Variants in ARMC1 observed in about 807,000 individuals in gnomAD.
ARMC1 encodes armadillo repeat containing 1.
Under a neutral mutation model 31.4 loss-of-function variants are expected in ARMC1, and 16 were observed. That is an observed-to-expected ratio of 0.51 (90% CI 0.34 to 0.77). The LOEUF (loss-of-function observed/expected upper bound fraction) is 0.77. Ranked by LOEUF, ARMC1 falls within the 30% of genes least tolerant of loss-of-function variation. The pLI is 0.01. For synonymous variants in ARMC1, 114 were observed against 118.9 expected, an observed-to-expected ratio of 0.96 and a Z score of 0.27; for missense variants, 259 against 347.5, an observed-to-expected ratio of 0.75 and a Z score of 2.02.
At position 65,604,015 on chromosome 8, in the gene ARMC1, ACTT is replaced by A. The variant is rs1563410388; in HGVS notation, c.*376_*378del. 6.2e-6 allele frequency: 1 copy of A among 161,706 alleles called. No homozygotes were observed. The highest frequency in any genetic ancestry group is 1.4e-5 in the Non-Finnish European group (1 of 73,746). 10.0% of individuals were successfully genotyped at this position (161,706 alleles called of 1,614,324 possible). A position where few individuals can be genotyped will look rare whatever the true frequency, so the allele number is the denominator to read the frequency against. On this transcript the variant is annotated 3_prime_UTR_variant, in exon 7 of 7. Coordinates refer to ENST00000276569, the MANE Select transcript of ARMC1 (RefSeq NM_018120.6). ...CATGCACAACTTGAGCTACAAGAAA[ACTT>A]CTCTTCAGGTAGGTCCTGAGGCTTG...
At chr8:65,604,629 T>G (rs757855581) in intron 6 of ARMC1, 44 bp from the exon 7 acceptor site, 1 of 1,557,010 alleles carries the variant, frequency 6.4e-7, no homozygotes, top group Non-Finnish European at 8.8e-7. Flanking sequence ...TCAACTTTAC[T>G]CCTTATTCTA....
intron 3 of ARMC1, among the ~76,000 whole-genome samples, chr8:65,618,078 G>A (rs1808313062): frequency 6.6e-6 from 1 of 151,924 alleles, no homozygotes; most frequent in African/African-American, 2.4e-5. Context: ...ACCATGCCTG[G>A]CTAATTTTTA....
chr8:65,607,050 T>C (rs978011276), intron 4 of ARMC1, among the ~76,000 whole-genome samples: 1 of 152,234 alleles, frequency 6.6e-6, no homozygotes, highest in Non-Finnish European at 1.5e-5. Context: ...ATCTGTAGAC[T>C]ATATCCAGTT....
chr8:65,609,666 T>C (rs1808079697), intron 4 of ARMC1, among the ~76,000 whole-genome samples: 1 of 152,014 alleles, frequency 6.6e-6, no homozygotes, highest in South Asian at 2.1e-4. Context: ...GAGACCAGCC[T>C]GGCCAATATG....
chr8:65,607,451 T>G (rs1808029515), intron 4 of ARMC1, among the ~76,000 whole-genome samples: 1 of 152,214 alleles, frequency 6.6e-6, no homozygotes, highest in Non-Finnish European at 1.5e-5. Flanking sequence ...TGGTACTAAA[T>G]GCCAACCACA....
In ARMC1 at chr8:65,602,546, T is replaced by A. The variant is rs1465956293; in HGVS notation, c.*1848A>T. ...TGTTACAGTTGTCTTAACTACTCTA[T>A]ATGATCTGGAATAAAGAACTCTTAG... On this transcript the variant is annotated 3_prime_UTR_variant, in exon 7 of 7. Transcript: ENST00000276569. 1.3e-5 allele frequency: 2 copies of A among 152,214 alleles called. No individual in the cohort carries two copies. The highest frequency in any genetic ancestry group is 2.9e-5 in the Non-Finnish European group (2 of 68,030). The allele number at this position is 152,214 out of a possible 1,614,324, so 9.4% of individuals were successfully genotyped here. A position where few individuals can be genotyped will look rare whatever the true frequency, so the allele number is the denominator to read the frequency against.
chr8:65,627,124 C>T (rs1193789795), intron 2 of ARMC1, 92 bp downstream of exon 2: 24 of 1,239,484 alleles, frequency 1.9e-5, no homozygotes, highest in East Asian at 7.2e-5. Context: ...GCTCTCTTTC[C>T]GTTTTTTTAC....
At chr8:65,628,005 G>T (rs534305740) in intron 1 of ARMC1, among the ~76,000 whole-genome samples, 1 of 152,324 alleles carries the variant, frequency 6.6e-6, no homozygotes, top group African/African-American at 2.4e-5. Context: ...AATCTACACT[G>T]AATCTAAATA....
At chr8:65,605,973 T>C (rs971185738) in intron 4 of ARMC1, among the ~76,000 whole-genome samples, 2 of 152,184 alleles carry the variant, frequency 1.3e-5, no homozygotes, top group Non-Finnish European at 2.9e-5. Context: ...GTTAACATAT[T>C]ATCTGAGGCT....
At chr8:65,620,504 G>A (rs952208705) in intron 3 of ARMC1, among the ~76,000 whole-genome samples, 22 of 140,918 alleles carry the variant, frequency 1.6e-4, no homozygotes, top group Admixed American at 1.5e-3. Flanking sequence ...TTTTCACCAT[G>A]TTGGCCAGGC....
In ARMC1 at chr8:65,605,489, A is replaced by G; in HGVS notation, c.515T>C (p.Ile172Thr). The change falls in exon 5 of 7, where the codon ATT becomes ACT. Residue 172 changes from isoleucine to threonine, a missense_variant. Transcript: ENST00000276569. ...AACAGCCATTTGAAAAGTAAAGCTA[A>G]TAACACCTTTAATTTTTAACAAAGC... ...EEALLKIKGV[I>T]SFTFQMAVQR... The G allele has an allele frequency of 6.2e-7, 1 of 1,614,086 alleles. No individual in the cohort carries two copies. Among genetic ancestry groups the G allele is most frequent in the Non-Finnish European group, 8.5e-7 (1 of 1,179,944 alleles).
At chr8:65,617,162 C>A (rs1808288757) in intron 3 of ARMC1, among the ~76,000 whole-genome samples, 1 of 152,258 alleles carries the variant, frequency 6.6e-6, no homozygotes, top group Non-Finnish European at 1.5e-5. Flanking sequence ...ATGACGATGG[C>A]GGTTTTGTCG....
At chr8:65,632,726 T>G (rs1226500971) in intron 1 of ARMC1, among the ~76,000 whole-genome samples, 2 of 152,106 alleles carry the variant, frequency 1.3e-5, no homozygotes, top group Non-Finnish European at 2.9e-5. Flanking sequence ...CTCCAGGGGT[T>G]GAGGCAGGAG....
At chr8:65,605,209 T>TA in intron 6 of ARMC1, 54 bp downstream of exon 6, 1 of 1,465,972 alleles carries the variant, frequency 6.8e-7, no homozygotes, top group Non-Finnish European at 9.4e-7. Flanking sequence ...CTGCTAGCCA[T>TA]AAAAAATAAT....
intron 4 of ARMC1, among the ~76,000 whole-genome samples, chr8:65,608,500 G>C (rs1808052522): frequency 6.6e-6 from 1 of 152,030 alleles, no homozygotes; most frequent in African/African-American, 2.4e-5. Flanking sequence ...CCTCACTCCA[G>C]CCTGGGCAAA....
rs536441430 is a variant in ARMC1, at chr8:65,627,044, C to T, written c.183+172G>A. On this transcript the variant is annotated intron_variant, in intron 2 of 6. Transcript: ENST00000276569. ...AGAATAAAAACAATGTAGCATGTTA[C>T]CACTGGTGTAAACAGACCACAGACC... is the stretch of plus-strand genomic sequence containing the variant. Among the ~76,000 whole-genome samples, 5 of 152,044 alleles carry T rather than the reference C, an allele frequency of 3.3e-5. No homozygotes were observed. The South Asian group carries it at 1.0e-3, about 32-fold the overall frequency.
chr8:65,629,164 A>G (rs947869767), intron 1 of ARMC1, among the ~76,000 whole-genome samples: 2 of 152,032 alleles, frequency 1.3e-5, no homozygotes, highest in East Asian at 1.9e-4. Context: ...CAAAAAAAAA[A>G]AAAAAGAAAG....
At chr8:65,623,934 A>T (rs1266455191) in intron 2 of ARMC1, among the ~76,000 whole-genome samples, 3 of 150,798 alleles carry the variant, frequency 2.0e-5, no homozygotes, top group African/African-American at 7.3e-5. Context: ...AGTAGCTGGG[A>T]TTATAGGTGC....
At position 65,613,359 on chromosome 8, in the gene ARMC1, T is replaced by C; in HGVS notation, c.350A>G (p.Asp117Gly). Residue 117 changes from aspartate (D) to glycine (G), a missense_variant, in exon 4 of 7, where the codon GAT becomes GGT. Transcript: ENST00000276569. ...YDILQSSNMADGDSFNEMNSR... is the reference protein window; with the variant it reads ...YDILQSSNMAGGDSFNEMNSR... The stretch of plus-strand genomic sequence containing the variant: ...ATTCATCTCATTAAAACTATCACCA[T>C]CTGCCATATTGGAGGACTGAAGAAT... 6.2e-7 allele frequency: 1 copy of C among 1,612,322 alleles called. No homozygotes were observed. The highest frequency in any genetic ancestry group is 8.5e-7 in the Non-Finnish European group (1 of 1,179,340).
Sources: gnomAD v4.1 joint callset for allele counts (sites outside exome capture counted in the v4.1 genomes callset) on GRCh38, gnomAD v4.1.1 for gene constraint, MANE v1.5 for transcripts, NCBI Gene and HGNC (gene_info 2026-07-23, HGNC 2026-07-21) for gene names.